Variants in DLGAP2 observed in about 807,000 individuals in gnomAD.
The protein encoded by DLGAP2 is DLG associated protein 2.
A neutral mutation model predicts 100.3 loss-of-function variants in DLGAP2; 26 were observed. The observed-to-expected ratio is 0.26, with a 90% CI of 0.19 to 0.36. The LOEUF is 0.36. Among genes scored for constraint, DLGAP2 ranks in the 10% least tolerant of loss-of-function variants. DLGAP2 has a pLI of 1.00. For synonymous variants in DLGAP2, 886 were observed against 630.1 expected (o/e 1.41, Z -6.08); for missense variants, 1,858 against 1,453.2 (o/e 1.28, Z -4.53).
At chr8:1,684,587 G>C (rs1799064258) in intron 12 of DLGAP2, among the ~76,000 whole-genome samples, 1 of 152,016 alleles carries the variant, frequency 6.6e-6, no homozygotes. Flanking sequence ...AATGAATCTA[G>C]ATTCAGTCAG....
intron 1 of DLGAP2, among the ~76,000 whole-genome samples, chr8:752,330 G>A (rs1298823696): frequency 6.6e-6 from 1 of 152,224 alleles, no homozygotes; most frequent in African/African-American, 2.4e-5. Flanking sequence ...GTTGCTCAAT[G>A]CTCATGCCTC....
chr8:1,388,838 G>C (rs35527428), intron 3 of DLGAP2, among the ~76,000 whole-genome samples: 2 of 127,868 alleles, frequency 1.6e-5, no homozygotes, highest in Non-Finnish European at 3.4e-5. Context: ...CGCTGGTTCA[G>C]GTGTCAGGGC....
At chr8:1,516,215 ATGAG>A (rs897085724) in intron 4 of DLGAP2, among the ~76,000 whole-genome samples, 17 of 151,778 alleles carry the variant, frequency 1.1e-4, no homozygotes, top group South Asian at 4.2e-4. Flanking sequence ...GTGTGCATGA[ATGAG>A]TGAGTGAATG....
chr8:1,178,997 A>G lies in DLGAP2; in HGVS notation c.74-79854A>G, dbSNP rs1028672013. The stretch of plus-strand genomic sequence containing the variant: ...GTTCACCAGCTTTAGGTCCCTACAG[A>G]TTAATTTCGAGCCCCTGCTGTAAAA... On this transcript the variant is annotated intron_variant, in intron 2 of 14. Coordinates refer to ENST00000637795, the MANE Select transcript of DLGAP2 (RefSeq NM_001346810.2). Among the ~76,000 whole-genome samples the G allele has an allele frequency of 4.6e-5, 7 of 152,146 alleles. No homozygotes were observed. In the East Asian group the frequency reaches 1.4e-3, roughly 29 times the overall value.
chr8:1,389,262 G>C (rs1796291596), intron 3 of DLGAP2, among the ~76,000 whole-genome samples: 1 of 142,420 alleles, frequency 7.0e-6, no homozygotes, highest in Non-Finnish European at 1.5e-5. Context: ...AGGCGACGTG[G>C]CTTCCTCCCA....
intron 3 of DLGAP2, among the ~76,000 whole-genome samples, chr8:1,278,924 T>C (rs904284782): frequency 2.0e-5 from 3 of 152,224 alleles, no homozygotes; most frequent in African/African-American, 7.2e-5. Flanking sequence ...CTTCAGATTG[T>C]TGAACCCATG....
chr8:1,215,203 A>C (rs1798189738), intron 2 of DLGAP2, among the ~76,000 whole-genome samples: 1 of 152,274 alleles, frequency 6.6e-6, no homozygotes. Flanking sequence ...ACGAAATCCC[A>C]AATATCAAAT....
At chr8:965,326 C>T (rs113311918) in intron 2 of DLGAP2, among the ~76,000 whole-genome samples, 37 of 96,634 alleles carry the variant, frequency 3.8e-4, no homozygotes, top group African/African-American at 5.7e-4. Context: ...CCCTGCGCTG[C>T]ACACGGCACT....
At chr8:1,175,256 C>G (rs1341880095) in intron 2 of DLGAP2, among the ~76,000 whole-genome samples, 1 of 151,866 alleles carries the variant, frequency 6.6e-6, no homozygotes, top group South Asian at 2.1e-4. Flanking sequence ...AAAAAAAAAC[C>G]TAAGAAGTGT....
At chr8:1,076,171 C>T (rs1027039673) in intron 2 of DLGAP2, among the ~76,000 whole-genome samples, 3 of 152,320 alleles carry the variant, frequency 2.0e-5, no homozygotes, top group Non-Finnish European at 1.5e-5. Flanking sequence ...CTTGCCTGTC[C>T]CATGAAGGTG....
At chr8:818,153 C>T (rs1294846507) in intron 1 of DLGAP2, among the ~76,000 whole-genome samples, 2 of 152,136 alleles carry the variant, frequency 1.3e-5, no homozygotes, top group African/African-American at 2.4e-5. Flanking sequence ...AGCTCAGACT[C>T]TCCTTGGGTG....
At chr8:1,330,571 G>T (rs1449671056) in intron 3 of DLGAP2, among the ~76,000 whole-genome samples, 1 of 147,968 alleles carries the variant, frequency 6.8e-6, no homozygotes, top group East Asian at 2.0e-4. Context: ...CAGGGACTGA[G>T]TTCTGTGTGG....
intron 1 of DLGAP2, among the ~76,000 whole-genome samples, chr8:882,147 A>T (rs967840771): frequency 1.3e-5 from 2 of 152,232 alleles, no homozygotes; most frequent in African/African-American, 2.4e-5. Context: ...GGCGTCAGTG[A>T]TGCTCCAAAT....
intron 2 of DLGAP2, among the ~76,000 whole-genome samples, chr8:1,065,547 T>C (rs1396496903): frequency 1.3e-5 from 2 of 152,242 alleles, no homozygotes; most frequent in African/African-American, 4.8e-5. Context: ...TCTAAACCAG[T>C]GACCTCTGTA....
At chr8:1,228,089 A>G (rs931243752) in intron 2 of DLGAP2, among the ~76,000 whole-genome samples, 9 of 151,934 alleles carry the variant, frequency 5.9e-5, no homozygotes, top group Admixed American at 1.3e-4. Flanking sequence ...GGGGTGGGGG[A>G]ATGGGGGAGG....
At chr8:1,604,886 T>C (rs1796746515) in intron 6 of DLGAP2, 1 of 152,194 alleles carries the variant, frequency 6.6e-6, no homozygotes, top group Non-Finnish European at 1.5e-5. Context: ...TTCTCTGTGA[T>C]AGGCCAGCCG....
intron 2 of DLGAP2, among the ~76,000 whole-genome samples, chr8:1,106,334 G>A (rs1804767962): frequency 6.7e-6 from 1 of 149,970 alleles, no homozygotes; most frequent in Non-Finnish European, 1.5e-5. Context: ...AGCCATTCCA[G>A]TAGGGTTTTC....
intron 2 of DLGAP2, among the ~76,000 whole-genome samples, chr8:1,012,057 A>C (rs574376447): frequency 6.6e-6 from 1 of 152,310 alleles, no homozygotes; most frequent in Non-Finnish European, 1.5e-5. Context: ...AACACATGCC[A>C]GGTCCTTCAC....
At chr8:1,145,549 T>A (rs1168808444) in intron 2 of DLGAP2, among the ~76,000 whole-genome samples, 2 of 152,210 alleles carry the variant, frequency 1.3e-5, no homozygotes, top group Non-Finnish European at 2.9e-5. Context: ...TTTTCTAGTT[T>A]GAAACTCTTA....
Sources: gnomAD v4.1 joint callset for allele counts (sites outside exome capture counted in the v4.1 genomes callset) on GRCh38, gnomAD v4.1.1 for gene constraint, MANE v1.5 for transcripts, NCBI Gene and HGNC (gene_info 2026-07-23, HGNC 2026-07-21) for gene names.